The following TTF1 variants were observed in gnomAD, a reference collection of about 807,000 sequenced individuals.
TTF1 encodes transcription termination factor 1.
Under a neutral mutation model 80.2 loss-of-function variants are expected in TTF1, and 64 were observed. The ratio of observed to expected loss-of-function variants is 0.80; its 90% CI spans 0.65 to 0.98. The LOEUF is 0.98. TTF1 is among the 50% of genes least tolerant of loss of function. The pLI is 0.00. For missense variants in TTF1, 1,023 were observed against 1,086.2 expected, an observed-to-expected ratio of 0.94 and a Z score of 0.82; for synonymous variants, 372 against 382.7, an observed-to-expected ratio of 0.97 and a Z score of 0.33.
rs564258216 is a variant in TTF1, at chr9:132,377,894, T to C, written c.2464+1165A>G. On this transcript the variant is annotated intron_variant, in intron 10 of 10. Transcript: ENST00000334270. ...CATGCATGTGGTGTGTGTGAGTGCA[T>C]GTGGTGTGAGTGCATGTGTGTGTGA... 1.2e-3 allele frequency among the ~76,000 whole-genome samples: 152 copies of C among 130,406 alleles called. 2 individuals carry two copies. Among genetic ancestry groups the C allele is most frequent in the African/African-American group, 4.6e-3 (147 of 32,190 alleles). The allele number at this position is 130,406 out of a possible 152,430, so 85.6% of individuals were successfully genotyped here.
In TTF1 at chr9:132,375,813, G is replaced by C; in HGVS notation, c.*102C>G. 1.4e-6 allele frequency: 1 copy of C among 704,354 alleles called. No individual in the cohort carries two copies. 43.6% of individuals were successfully genotyped at this position (704,354 alleles called of 1,614,324 possible). On this transcript the variant is annotated 3_prime_UTR_variant, in exon 11 of 11. Coordinates refer to ENST00000334270, the MANE Select transcript of TTF1 (RefSeq NM_007344.4). ...TTCTCCTGCCTCAGCCTCCCAAGTA[G>C]TTGAAATTACAGGTGTGCACTACCA...
chr9:132,405,626 CT>C (rs1420651106), intron 1 of TTF1, among the ~76,000 whole-genome samples: 1 of 152,236 alleles, frequency 6.6e-6, no homozygotes. Flanking sequence ...TATATAGTCT[CT>C]CCCTGCTAAA....
intron 10 of TTF1, among the ~76,000 whole-genome samples, chr9:132,377,635 TGC>T (rs1271388076): frequency 1.1e-5 from 1 of 94,674 alleles, no homozygotes; most frequent in Admixed American, 1.2e-4. Context: ...GTGCATGTGG[TGC>T]GTGTGAATGC....
chr9:132,392,217 G>A lies in TTF1; in HGVS notation c.1857-11C>T. The A allele has an allele frequency of 6.2e-7, 1 of 1,613,822 alleles. No homozygotes were observed. The highest frequency in any genetic ancestry group is 8.5e-7 in the Non-Finnish European group (1 of 1,179,862). On this transcript the variant is annotated splice_polypyrimidine_tract_variant and intron_variant, in intron 5 of 10. Transcript: ENST00000334270. ...TCTCCTTCGCTATACCTAGGAGAAA[G>A]GGAAAATGTTTTACAAGTTTAAACG...
intron 10 of TTF1, among the ~76,000 whole-genome samples, chr9:132,377,812 AGTGCATGTGGTGTGT>A (rs1849250241): frequency 2.9e-5 from 2 of 70,072 alleles, no homozygotes; most frequent in East Asian, 4.2e-4. Flanking sequence ...ATGTGGTGTG[AGTGCATGTGGTGTGT>A]GTGAATGCAT....
At chr9:132,398,382 A>G in intron 3 of TTF1, 56 bp from the exon 4 acceptor site, 1 of 1,550,388 alleles carries the variant, frequency 6.4e-7, no homozygotes, top group Non-Finnish European at 8.7e-7. Flanking sequence ...GACAAAAGCA[A>G]ACCTATGACT....
chr9:132,377,047 AC>A (rs1212850771), intron 10 of TTF1, among the ~76,000 whole-genome samples: 1 of 152,156 alleles, frequency 6.6e-6, no homozygotes, highest in Admixed American at 6.6e-5. Flanking sequence ...TATCTAAACC[AC>A]CCACAAATGG....
rs201367326 is a variant in TTF1, at chr9:132,401,971, T to C, written c.851A>G (p.Asn284Ser). 304 of 1,613,844 alleles carry C rather than the reference T, an allele frequency of 1.9e-4. 2 individuals are homozygous for C. In the South Asian group the frequency reaches 2.7e-3, roughly 14 times the overall value. The change falls in exon 2 of 11, where the codon AAT becomes AGT. Residue 284 changes from asparagine (N) to serine (S), a missense_variant. Transcript: ENST00000334270. Reference sequence around the variant, plus strand: ...GGCCAATGCCTCAAATTCCTGGTGATTGGACTTTTTCTTCTTTTTTTTCTT... The same window carrying C: ...GGCCAATGCCTCAAATTCCTGGTGACTGGACTTTTTCTTCTTTTTTTTCTT... ...KSKKKKKKKS[N>S]HQEFEALAMP...
intron 10 of TTF1, among the ~76,000 whole-genome samples, chr9:132,376,501 A>G (rs769607211): frequency 2.0e-5 from 3 of 152,098 alleles, no homozygotes; most frequent in Non-Finnish European, 2.9e-5. Flanking sequence ...CCAGGGTACG[A>G]TATCACCCAA....
At chr9:132,388,498 G>A (rs1437877458) in intron 7 of TTF1, among the ~76,000 whole-genome samples, 2 of 151,870 alleles carry the variant, frequency 1.3e-5, no homozygotes, top group Admixed American at 6.6e-5. Context: ...GCACCACCAC[G>A]CCCGGCTAAT....
At position 132,387,104 on chromosome 9, in the gene TTF1, C is replaced by T. The variant is rs77471965; in HGVS notation, c.2313-483G>A. Among the ~76,000 whole-genome samples, 779 of 152,222 alleles carry T rather than the reference C, an allele frequency of 5.1e-3. 3 individuals are homozygous for T. Among genetic ancestry groups the T allele is most frequent in the Non-Finnish European group, 8.2e-3 (559 of 68,000 alleles). Reference sequence around the variant, plus strand: ...TCTCAAGAAGCTGGAACCATAAGCACGTGGCACCATGCCCGGCTAATTTTT... The same window carrying T: ...TCTCAAGAAGCTGGAACCATAAGCATGTGGCACCATGCCCGGCTAATTTTT... On this transcript the variant is annotated intron_variant, in intron 8 of 10. Coordinates refer to ENST00000334270, the MANE Select transcript of TTF1 (RefSeq NM_007344.4).
At chr9:132,379,942 G>T (rs768374407) in intron 9 of TTF1, among the ~76,000 whole-genome samples, 104 of 152,304 alleles carry the variant, frequency 6.8e-4, no homozygotes, top group Middle Eastern at 6.8e-3. Flanking sequence ...AAAATGATTA[G>T]CATGAAGAAT....
At chr9:132,386,809 T>C (rs1162550633) in intron 8 of TTF1, among the ~76,000 whole-genome samples, 188 bp from the exon 9 acceptor site, 2 of 152,216 alleles carry the variant, frequency 1.3e-5, no homozygotes, top group East Asian at 3.8e-4. Context: ...GTTGGTGGGC[T>C]ACAGAGATGG....
At chr9:132,377,291 G>A (rs1849208009) in intron 10 of TTF1, among the ~76,000 whole-genome samples, 2 of 148,860 alleles carry the variant, frequency 1.3e-5, no homozygotes, top group South Asian at 2.2e-4. Flanking sequence ...TGTGGTGCAT[G>A]TGAATGCATG....
At chr9:132,387,302 T>A (rs1222380872) in intron 8 of TTF1, among the ~76,000 whole-genome samples, 1 of 151,908 alleles carries the variant, frequency 6.6e-6, no homozygotes, top group Non-Finnish European at 1.5e-5. Flanking sequence ...CCCCCCCCAA[T>A]CTACAGACAG....
At chr9:132,383,812 A>G (rs541914491) in intron 9 of TTF1, among the ~76,000 whole-genome samples, 6 of 152,154 alleles carry the variant, frequency 3.9e-5, no homozygotes, top group Non-Finnish European at 8.8e-5. Context: ...TTCCTCACCC[A>G]AGACTGTATC....
intron 5 of TTF1, 86 bp from the exon 6 acceptor site, chr9:132,392,292 G>T: frequency 6.6e-7 from 1 of 1,519,406 alleles, no homozygotes; most frequent in Non-Finnish European, 8.9e-7. Context: ...AGCAATCGTG[G>T]GGAAAGCTGA....
chr9:132,394,841 CGAG>C (rs1849617531), intron 5 of TTF1, among the ~76,000 whole-genome samples: 1 of 150,566 alleles, frequency 6.6e-6, no homozygotes, highest in African/African-American at 2.4e-5. Context: ...TCCAATGAGC[CGAG>C]TTCGCACCAC....
intron 5 of TTF1, among the ~76,000 whole-genome samples, chr9:132,393,447 C>T (rs913405768): frequency 6.6e-6 from 1 of 152,236 alleles, no homozygotes; most frequent in Non-Finnish European, 1.5e-5. Context: ...ATAACATGAG[C>T]GATCTGTGCC....
Sources: gnomAD v4.1 joint callset for allele counts (sites outside exome capture counted in the v4.1 genomes callset) on GRCh38, gnomAD v4.1.1 for gene constraint, MANE v1.5 for transcripts, NCBI Gene and HGNC (gene_info 2026-07-23, HGNC 2026-07-21) for gene names.